Variants in VWC2 observed in about 807,000 individuals in gnomAD.
VWC2 encodes von Willebrand factor C domain containing 2, also known as brorin.
In VWC2, 14 loss-of-function variants were observed where a neutral mutation model predicts 29.8. That is an observed-to-expected ratio of 0.47 (90% CI 0.31 to 0.74). The LOEUF is 0.74. Among genes scored for constraint, VWC2 ranks in the 30% least tolerant of loss-of-function variants. The probability of loss-of-function intolerance (pLI) is 0.05; values close to 1 mark genes in which losing one functional copy is unlikely to be tolerated. For synonymous variants in VWC2, 213 were observed against 199.0 expected (o/e 1.07, Z -0.59); for missense variants, 457 against 459.8 (o/e 0.99, Z 0.05).
chr7:49,889,537 T>C (rs1281666574), intron 3 of VWC2, among the ~76,000 whole-genome samples: 3 of 152,082 alleles, frequency 2.0e-5, no homozygotes, highest in Non-Finnish European at 2.9e-5. Context: ...TCCCGGGAGC[T>C]AGACACCAAG....
At chr7:49,842,518 A>G (rs1789822042) in intron 3 of VWC2, among the ~76,000 whole-genome samples, 1 of 152,214 alleles carries the variant, frequency 6.6e-6, no homozygotes, top group African/African-American at 2.4e-5. Flanking sequence ...TTCACCATCC[A>G]GTGTAACTCA....
intron 3 of VWC2, among the ~76,000 whole-genome samples, chr7:49,829,658 T>G (rs1789482002): frequency 6.6e-6 from 1 of 152,214 alleles, no homozygotes. Context: ...TTGTCTCCTT[T>G]CTCCTTAGCC....
At chr7:49,886,340 C>T (rs1791903196) in intron 3 of VWC2, among the ~76,000 whole-genome samples, 1 of 152,134 alleles carries the variant, frequency 6.6e-6, no homozygotes, top group African/African-American at 2.4e-5. Context: ...TTAGCCTGAC[C>T]TCTACAATAT....
chr7:49,835,916 T>C (rs764627248), intron 3 of VWC2, among the ~76,000 whole-genome samples: 16 of 152,176 alleles, frequency 1.1e-4, no homozygotes, highest in Non-Finnish European at 2.2e-4. Context: ...AAAGTCATGG[T>C]ATCACGACTA....
intron 3 of VWC2, among the ~76,000 whole-genome samples, chr7:49,852,351 G>A (rs148370557): frequency 1.3e-5 from 2 of 152,372 alleles, no homozygotes; most frequent in East Asian, 3.9e-4. Flanking sequence ...GTTCAAAGAA[G>A]AGGCCTGGCA....
chr7:49,798,516 A>T lies in VWC2; in HGVS notation c.697-4195A>T, dbSNP rs549727983. Among the ~76,000 whole-genome samples, 13 of 152,294 alleles carry T rather than the reference A, an allele frequency of 8.5e-5. No homozygotes were observed. In the South Asian group the frequency reaches 2.5e-3, roughly 29 times the overall value. ...CTCAGGAGGTGGAAGGCACTAGCACATTGTCCTGGAGGACTCTGAGCAGGA... is the reference window on the plus strand; with the variant it reads ...CTCAGGAGGTGGAAGGCACTAGCACTTTGTCCTGGAGGACTCTGAGCAGGA... On this transcript the variant is annotated intron_variant, in intron 2 of 3. Coordinates refer to ENST00000340652, the MANE Select transcript of VWC2 (RefSeq NM_198570.5).
rs1297468392 is a variant in VWC2, at chr7:49,877,512, A to G, written c.827-34522A>G. ...TATATATATATATATATATATATATATATATAGTTATTTGGTCACTTGCTT... is the reference window on the plus strand; with the variant it reads ...TATATATATATATATATATATATATGTATATAGTTATTTGGTCACTTGCTT... On this transcript the variant is annotated intron_variant, in intron 3 of 3. Transcript: ENST00000340652. Among the ~76,000 whole-genome samples the G allele has an allele frequency of 4.1e-5, 4 of 98,352 alleles. No individual in the cohort carries two copies. In the South Asian group the frequency reaches 1.4e-3, roughly 35 times the overall value. 64.5% of individuals were successfully genotyped at this position (98,352 alleles called of 152,430 possible). A position where few individuals can be genotyped will look rare whatever the true frequency, so the allele number is the denominator to read the frequency against.
intron 2 of VWC2, among the ~76,000 whole-genome samples, chr7:49,778,771 TG>T (rs1257198257): frequency 1.3e-5 from 2 of 152,232 alleles, no homozygotes; most frequent in Non-Finnish European, 2.9e-5. Context: ...ATGCCTGCTC[TG>T]GGTATTCTGG....
In VWC2 at chr7:49,836,659, A is replaced by C. The variant is rs564753899; in HGVS notation, c.826+33819A>C. Among the ~76,000 whole-genome samples the C allele has an allele frequency of 3.5e-3, 528 of 150,854 alleles. 1 individual carries two copies. The highest frequency in any genetic ancestry group is 0.013 in the African/African-American group (521 of 41,252). ...ATCTCAATAAATAAATAAATAAATAAATAAATAAATAAATAAATAAATACA... is the reference window on the plus strand; with the variant it reads ...ATCTCAATAAATAAATAAATAAATACATAAATAAATAAATAAATAAATACA... On this transcript the variant is annotated intron_variant, in intron 3 of 3. Transcript: ENST00000340652.
intron 2 of VWC2, among the ~76,000 whole-genome samples, chr7:49,794,172 C>A (rs1788529750): frequency 6.6e-6 from 1 of 152,302 alleles, no homozygotes; most frequent in South Asian, 2.1e-4. Flanking sequence ...AGCCCTTTTG[C>A]CCATTTGCAT....
intron 3 of VWC2, among the ~76,000 whole-genome samples, chr7:49,897,676 C>T (rs1311792344): frequency 6.6e-6 from 1 of 152,230 alleles, no homozygotes; most frequent in Non-Finnish European, 1.5e-5. Context: ...CAGAAAATCA[C>T]AACTTACCTG....
intron 3 of VWC2, chr7:49,850,663 A>G (rs1261666574): frequency 1.3e-5 from 2 of 152,246 alleles, no homozygotes; most frequent in African/African-American, 4.8e-5. Flanking sequence ...AGGAGATGTA[A>G]TGCCATCTTC....
rs767519399 is a variant in VWC2 at position 49,802,785 on chromosome 7, G to T, written c.771G>T (p.Thr257=). The T allele has an allele frequency of 6.2e-7, 1 of 1,614,200 alleles. No homozygotes were observed. Residue 257 remains threonine, a synonymous_variant, in exon 3 of 4, where the codon ACG becomes ACT. Coordinates refer to ENST00000340652, the MANE Select transcript of VWC2 (RefSeq NM_198570.5). The stretch of plus-strand genomic sequence containing the variant: ...GCACAGTGTCAGCGTGTCCCCAGAC[G>T]GAGTGTGTGGACCCTGTGTACGAGC... The part of the protein sequence containing the change: ...VLCTVSACPQ[T]ECVDPVYEPD...
intron 3 of VWC2, among the ~76,000 whole-genome samples, chr7:49,901,878 T>C (rs1030346385): frequency 6.6e-6 from 1 of 151,892 alleles, no homozygotes; most frequent in Non-Finnish European, 1.5e-5. Flanking sequence ...ATGAACACTG[T>C]TTGCTAACAC....
intron 3 of VWC2, among the ~76,000 whole-genome samples, chr7:49,838,135 G>C (rs554597402): frequency 6.6e-6 from 1 of 152,302 alleles, no homozygotes; most frequent in South Asian, 2.1e-4. Context: ...GATCCTGAAG[G>C]CTGTCTTCCC....
chr7:49,904,925 G>A lies in VWC2; in HGVS notation c.827-7109G>A, dbSNP rs146581173. 3.6e-3 allele frequency among the ~76,000 whole-genome samples: 548 copies of A among 151,916 alleles called. 3 individuals are homozygous for A. Among genetic ancestry groups the A allele is most frequent in the African/African-American group, 0.012 (515 of 41,448 alleles). ...TAATTTTTGTATTTTTAGTAGAGATGGGGTTTCACCATCTTGGCCAGGCTG... is the reference window on the plus strand; with the variant it reads ...TAATTTTTGTATTTTTAGTAGAGATAGGGTTTCACCATCTTGGCCAGGCTG... On this transcript the variant is annotated intron_variant, in intron 3 of 3. Transcript: ENST00000340652.
chr7:49,791,224 T>A (rs1788456828), intron 2 of VWC2, among the ~76,000 whole-genome samples: 2 of 152,144 alleles, frequency 1.3e-5, no homozygotes, highest in South Asian at 4.1e-4. Flanking sequence ...ACCCTAAGGG[T>A]GTGAGCTGGA....
At chr7:49,789,304 TGTGA>T (rs2128703385) in intron 2 of VWC2, among the ~76,000 whole-genome samples, 1 of 132,972 alleles carries the variant, frequency 7.5e-6, no homozygotes, top group African/African-American at 2.9e-5. Flanking sequence ...TGAGCGGGTG[TGTGA>T]GTGTGGGTGT....
intron 3 of VWC2, among the ~76,000 whole-genome samples, chr7:49,903,592 G>A (rs1291786839): frequency 6.6e-6 from 1 of 152,184 alleles, no homozygotes; most frequent in African/African-American, 2.4e-5. Flanking sequence ...AGATGGTGGG[G>A]CCAGAGAAGG....
Sources: allele counts gnomAD v4.1 joint callset (sites outside exome capture counted in the v4.1 genomes callset), GRCh38; gene constraint gnomAD v4.1.1; transcripts MANE v1.5; gene names NCBI Gene and HGNC (gene_info 2026-07-23, HGNC 2026-07-21).